Variants in MMP26 observed in about 807,000 individuals in gnomAD.
MMP26 encodes the protein matrix metalloproteinase-26.
Under a neutral mutation model 31.0 loss-of-function variants are expected in MMP26, and 33 were observed. That is an observed-to-expected ratio of 1.06 (90% CI 0.81 to 1.42). MMP26 has a LOEUF of 1.42. Ranked by LOEUF, MMP26 falls within the 40% of genes most tolerant of loss-of-function variation. The pLI is 0.00. For synonymous variants in MMP26, 122 were observed against 114.9 expected (o/e 1.06, Z -0.40); for missense variants, 347 against 316.1 (o/e 1.10, Z -0.74).
At position 4,882,269 on chromosome 11, in the gene MMP26, C is replaced by T. The variant is rs781697460; in HGVS notation, c.-144-105799C>T. 3.7e-5 allele frequency: 59 copies of T among 1,613,772 alleles called. No homozygotes were observed. The highest frequency in any genetic ancestry group is 2.9e-4 in the East Asian group (13 of 44,864). ...GGTGCTGGTAGCCATGGCCTTTGAC[C>T]GCTTCGTGGCTATCTGTAACCCACT... On this transcript the variant is annotated intron_variant, in intron 2 of 7. Coordinates refer to ENST00000380390, the MANE Select transcript of MMP26 (RefSeq NM_021801.5).
At chr11:4,825,364 C>A (rs1261992162) in intron 2 of MMP26, among the ~76,000 whole-genome samples, 2 of 152,030 alleles carry the variant, frequency 1.3e-5, no homozygotes, top group African/African-American at 4.8e-5. Context: ...GAGCAGCCTG[C>A]CTTGTAGCTC....
At chr11:4,901,669 G>A (rs556426684) in intron 2 of MMP26, among the ~76,000 whole-genome samples, 5 of 152,084 alleles carry the variant, frequency 3.3e-5, no homozygotes, top group African/African-American at 9.6e-5. Flanking sequence ...AGAGGCTGTC[G>A]CAATTTTTCC....
intron 2 of MMP26, among the ~76,000 whole-genome samples, chr11:4,957,691 T>C (rs769266204): frequency 2.0e-5 from 3 of 150,820 alleles, no homozygotes; most frequent in Non-Finnish European, 4.4e-5. Context: ...TTTTTTTTCT[T>C]TTTTTTTTGG....
intron 1 of MMP26, among the ~76,000 whole-genome samples, chr11:4,706,566 A>C (rs1847780286): frequency 1.5e-5 from 2 of 137,386 alleles, no homozygotes; most frequent in South Asian, 5.5e-4. Flanking sequence ...CAACAGAGCA[A>C]GACCCTATCT....
intron 2 of MMP26, among the ~76,000 whole-genome samples, chr11:4,826,318 C>A (rs1564789262): frequency 6.6e-6 from 1 of 152,040 alleles, no homozygotes. Flanking sequence ...TGGCTCCAGC[C>A]CACCTTCTCT....
chr11:4,907,863 G>A (rs759783037), intron 2 of MMP26: 3 of 1,613,890 alleles, frequency 1.9e-6, no homozygotes, highest in Admixed American at 1.7e-5. Flanking sequence ...ACCTTAAGGA[G>A]ATTAAAATAT....
chr11:4,953,772 C>T lies in MMP26; in HGVS notation c.-144-34296C>T, dbSNP rs774693911. On this transcript the variant is annotated intron_variant, in intron 2 of 7. Coordinates refer to ENST00000380390, the MANE Select transcript of MMP26 (RefSeq NM_021801.5). ...GTCTCGGAATATGTTCTTCCTTCGG[C>T]TTGGCGTGTTGGCTCACGCCTGTAA... Among the ~76,000 whole-genome samples the T allele has an allele frequency of 5.6e-5, 7 of 125,352 alleles. 3 individuals are homozygous for T. Among genetic ancestry groups the T allele is most frequent in the Non-Finnish European group, 1.1e-4 (6 of 55,364 alleles). The allele number at this position is 125,352 out of a possible 152,430, so 82.2% of individuals were successfully genotyped here.
At chr11:4,747,571 A>G (rs2133297892) in intron 1 of MMP26, among the ~76,000 whole-genome samples, 1 of 152,220 alleles carries the variant, frequency 6.6e-6, no homozygotes, top group East Asian at 1.9e-4. Flanking sequence ...TATTTCATTA[A>G]TGAGAACTTT....
chr11:4,779,125 A>G (rs1848825811), intron 2 of MMP26, among the ~76,000 whole-genome samples: 1 of 151,992 alleles, frequency 6.6e-6, no homozygotes, highest in African/African-American at 2.4e-5. Flanking sequence ...TTCAATTCTT[A>G]AGGTCTCGGA....
At chr11:4,767,217 T>A (rs2133416649) in intron 1 of MMP26, 53 bp from the exon 2 acceptor site, 1 of 152,324 alleles carries the variant, frequency 6.6e-6, no homozygotes, top group Non-Finnish European at 1.5e-5. Flanking sequence ...CAGAAGATAA[T>A]TCTTCCATGA....
intron 2 of MMP26, chr11:4,878,023 G>C (rs929933406): frequency 3.9e-5 from 6 of 152,086 alleles, no homozygotes; most frequent in African/African-American, 1.4e-4. Context: ...CCCATCTGTG[G>C]TCAACTACTC....
intron 1 of MMP26, among the ~76,000 whole-genome samples, chr11:4,762,842 T>C (rs532431088): frequency 6.6e-6 from 1 of 152,174 alleles, no homozygotes; most frequent in Admixed American, 6.5e-5. Flanking sequence ...CCAGGAAACC[T>C]GAAAACTGGT....
intron 2 of MMP26, among the ~76,000 whole-genome samples, chr11:4,934,679 G>C (rs1245214279): frequency 1.4e-5 from 2 of 145,346 alleles, no homozygotes; most frequent in Non-Finnish European, 3.1e-5. Flanking sequence ...GTAATGCCTA[G>C]GTTTTCTTCT....
At chr11:4,840,950 T>A (rs1849785191) in intron 2 of MMP26, among the ~76,000 whole-genome samples, 1 of 151,702 alleles carries the variant, frequency 6.6e-6, no homozygotes, top group African/African-American at 2.4e-5. Flanking sequence ...TCAGAAAAAA[T>A]TAACAGTGAT....
intron 1 of MMP26, among the ~76,000 whole-genome samples, chr11:4,754,780 A>T (rs549522471): frequency 6.6e-6 from 1 of 151,944 alleles, no homozygotes; most frequent in Admixed American, 6.6e-5. Flanking sequence ...TCATTTTTCT[A>T]CTTTAAAGCT....
chr11:4,742,184 T>C (rs1345932120), intron 1 of MMP26, among the ~76,000 whole-genome samples: 2 of 152,226 alleles, frequency 1.3e-5, no homozygotes, highest in African/African-American at 4.8e-5. Flanking sequence ...ATATGTACTG[T>C]ACATCTACTG....
chr11:4,838,879 A>C (rs1480081969), intron 2 of MMP26, among the ~76,000 whole-genome samples: 2 of 152,170 alleles, frequency 1.3e-5, no homozygotes, highest in African/African-American at 4.8e-5. Flanking sequence ...ACTTATAATA[A>C]AAAGGCACTG....
At chr11:4,832,305 A>C (rs563562752) in intron 2 of MMP26, 1 of 166,554 alleles carries the variant, frequency 6.0e-6, no homozygotes, top group African/African-American at 2.4e-5. Flanking sequence ...CATTCCCTGC[A>C]AGAGCCCATG....
At chr11:4,878,191 A>C (rs892727557) in intron 2 of MMP26, 1 of 152,060 alleles carries the variant, frequency 6.6e-6, no homozygotes, top group Non-Finnish European at 1.5e-5. Flanking sequence ...AGATTCACCT[A>C]TGTTATTGCA....
Sources: gnomAD v4.1 joint callset for allele counts (sites outside exome capture counted in the v4.1 genomes callset) on GRCh38, gnomAD v4.1.1 for gene constraint, MANE v1.5 for transcripts, NCBI Gene and HGNC (gene_info 2026-07-23, HGNC 2026-07-21) for gene names.